The following SCN9A variants were observed in gnomAD, a reference collection of about 807,000 sequenced individuals.
SCN9A encodes the protein sodium voltage-gated channel alpha subunit 9, also known as sodium channel protein type 9 subunit alpha.
A neutral mutation model predicts 187.0 loss-of-function variants in SCN9A; 131 were observed. That is an observed-to-expected ratio of 0.70 (90% CI 0.61 to 0.81). SCN9A has a LOEUF of 0.81. Among genes scored for constraint, SCN9A ranks in the 30% least tolerant of loss-of-function variants. SCN9A has a pLI of 0.00. For synonymous variants in SCN9A, 809 were observed against 808.6 expected, an observed-to-expected ratio of 1.00 and a Z score of -0.01; for missense variants, 2,252 against 2,396.6, an observed-to-expected ratio of 0.94 and a Z score of 1.26.
intron 7 of SCN9A, chr2:166,298,620 T>C (rs947208049): frequency 3.9e-5 from 6 of 152,224 alleles, no homozygotes; most frequent in African/African-American, 1.2e-4. Flanking sequence ...ATCTTTTAAA[T>C]ATTGCCAATT....
chr2:166,281,739 C>T lies in SCN9A; in HGVS notation c.2044G>A (p.Asp682Asn), dbSNP rs1165899690. 6.2e-7 allele frequency: 1 copy of T among 1,613,310 alleles called. No individual in the cohort carries two copies. The change falls in exon 13 of 27, where the codon GAT becomes AAT. Residue 682 changes from aspartate to asparagine, a missense_variant. Physicochemically the swap from Asp to Asn is conservative, Grantham distance 23 (BLOSUM62 1). Around this residue, in one of 7 missense-constraint regions of SCN9A, gnomAD observed 1,013 missense variants for 997.4 expected, o/e 1.02. Transcript: ENST00000642356. ...ATTGCTCTCTGTCTGAGGTTGGGATCATTCAGCATATCCTCTGAAAGGAGA... is the reference window on the plus strand; with the variant it reads ...ATTGCTCTCTGTCTGAGGTTGGGATTATTCAGCATATCCTCTGAAAGGAGA... Reference protein sequence around the residue: ...SYLLSEDMLNDPNLRQRAMSR... With the variant: ...SYLLSEDMLNNPNLRQRAMSR...
At chr2:166,358,676 C>T (rs1028786936) in intron 1 of SCN9A, among the ~76,000 whole-genome samples, 1 of 152,048 alleles carries the variant, frequency 6.6e-6, no homozygotes, top group African/African-American at 2.4e-5. Context: ...ATTGAATTCA[C>T]CAATCCTTTC....
At chr2:166,249,696 A>G (rs956021888) in intron 18 of SCN9A, among the ~76,000 whole-genome samples, 1 of 152,154 alleles carries the variant, frequency 6.6e-6, no homozygotes, top group Admixed American at 6.6e-5. Flanking sequence ...TTATAGGATT[A>G]AAAAAACTTT....
At chr2:166,208,178 T>A (rs1005758855) in intron 24 of SCN9A, among the ~76,000 whole-genome samples, 1 of 152,184 alleles carries the variant, frequency 6.6e-6, no homozygotes, top group African/African-American at 2.4e-5. Flanking sequence ...TCAGGCTAGT[T>A]TTTTTCTGTG....
At chr2:166,294,557 T>C (rs867452632) in intron 8 of SCN9A, 42 bp downstream of exon 8, 2 of 1,431,556 alleles carry the variant, frequency 1.4e-6, no homozygotes, top group African/African-American at 2.8e-5. Context: ...CTTTTCCTTC[T>C]CTTTCAGCCT....
chr2:166,340,605 T>TTC (rs1553502805), intron 1 of SCN9A, among the ~76,000 whole-genome samples: 1 of 74,914 alleles, frequency 1.3e-5, no homozygotes, highest in Non-Finnish European at 2.5e-5. Flanking sequence ...TTTCTTTCTT[T>TTC]TTCTTTCTTT....
At chr2:166,309,267 A>C (rs1698864117) in intron 2 of SCN9A, among the ~76,000 whole-genome samples, 1 of 152,174 alleles carries the variant, frequency 6.6e-6, no homozygotes, top group Non-Finnish European at 1.5e-5. Context: ...TTGAAATTTT[A>C]ATAAAAAGAA....
At chr2:166,319,629 A>G (rs1699190108) in intron 1 of SCN9A, among the ~76,000 whole-genome samples, 1 of 152,154 alleles carries the variant, frequency 6.6e-6, no homozygotes, top group Admixed American at 6.5e-5. Context: ...TGAAAAATAC[A>G]TACATAATTA....
At chr2:166,331,835 T>C (rs1699510285) in intron 1 of SCN9A, among the ~76,000 whole-genome samples, 1 of 152,206 alleles carries the variant, frequency 6.6e-6, no homozygotes, top group Non-Finnish European at 1.5e-5. Context: ...TAACTTTCCA[T>C]CACTACTTTA....
In SCN9A at chr2:166,283,330, C is replaced by A. The variant is rs540178309; in HGVS notation, c.1974+1123G>T. On this transcript the variant is annotated intron_variant, in intron 12 of 26. Transcript: ENST00000642356. Reference sequence around the variant, plus strand: ...GTCACATGTTACCTAAAAGCACATGCATTTATTCAAATTGAAATATATGTG... The same window carrying A: ...GTCACATGTTACCTAAAAGCACATGAATTTATTCAAATTGAAATATATGTG... Among the ~76,000 whole-genome samples the A allele has an allele frequency of 3.9e-5, 6 of 152,248 alleles. No individual in the cohort carries two copies. In the South Asian group the frequency reaches 1.2e-3, roughly 32 times the overall value.
intron 1 of SCN9A, among the ~76,000 whole-genome samples, chr2:166,352,863 A>G (rs1186379014): frequency 1.3e-5 from 2 of 152,204 alleles, no homozygotes; most frequent in African/African-American, 4.8e-5. Flanking sequence ...GCCACCAACA[A>G]TTGATAATTG....
chr2:166,199,359 C>T lies in SCN9A; in HGVS notation c.5280G>A (p.Leu1760=). Residue 1760 remains leucine, a synonymous_variant, in exon 27 of 27, where the codon CTG becomes CTA. Coordinates refer to ENST00000642356, the MANE Select transcript of SCN9A (RefSeq NM_001365536.1). The part of the protein sequence containing the change: ...VVVNMYIAVI[L]ENFSVATEES... ...CTTCAGTGGCAACACTAAAATTCTC[C>T]AGTATGACTGCAATGTACATGTTCA... The T allele has an allele frequency of 6.2e-7, 1 of 1,614,152 alleles. No individual in the cohort carries two copies. Among genetic ancestry groups the T allele is most frequent in the South Asian group, 1.1e-5 (1 of 91,072 alleles).
chr2:166,296,362 T>C (rs1172364501), intron 7 of SCN9A, among the ~76,000 whole-genome samples: 1 of 152,218 alleles, frequency 6.6e-6, no homozygotes, highest in African/African-American at 2.4e-5. Flanking sequence ...CACATCATCA[T>C]TTTATCTTAC....
intron 1 of SCN9A, among the ~76,000 whole-genome samples, chr2:166,320,905 T>A (rs897273898): frequency 2.0e-5 from 3 of 152,118 alleles, no homozygotes; most frequent in African/African-American, 7.2e-5. Flanking sequence ...TACAAAAAAA[T>A]CATCTGTGTA....
chr2:166,243,213 ATT>A (rs1033529865), intron 18 of SCN9A, among the ~76,000 whole-genome samples: 1 of 152,090 alleles, frequency 6.6e-6, no homozygotes, highest in Non-Finnish European at 1.5e-5. Flanking sequence ...GTGACTTTAA[ATT>A]TTTATGTACA....
In SCN9A at chr2:166,293,549, T is replaced by A. The variant is rs12475406; in HGVS notation, c.966-177A>T. 2.6e-5 allele frequency among the ~76,000 whole-genome samples: 4 copies of A among 152,244 alleles called. No homozygotes were observed. The East Asian group carries it at 7.7e-4, about 29-fold the overall frequency. ...TGACTTTACCAAATTCTTCAAGGCA[T>A]AAGTCTGTCTGTGAAAATAGGATAA... On this transcript the variant is annotated intron_variant, in intron 8 of 26. Transcript: ENST00000642356.
chr2:166,371,916 A>G lies in SCN9A; in HGVS notation c.-51+3781T>C, dbSNP rs111415017. Among the ~76,000 whole-genome samples the G allele has an allele frequency of 9.4e-3, 1,430 of 152,330 alleles. 24 individuals carry two copies. Among genetic ancestry groups the G allele is most frequent in the African/African-American group, 0.031 (1,300 of 41,582 alleles). ...AATGTGGTAACCAAATTATTTACCA[A>G]AAATCTGTGGCTGGCCATTTGCTAC... On this transcript the variant is annotated intron_variant, in intron 1 of 26. Coordinates refer to ENST00000642356, the MANE Select transcript of SCN9A (RefSeq NM_001365536.1).
chr2:166,294,637 G>A lies in SCN9A; in HGVS notation c.927C>T (p.Ser309=), dbSNP rs762274623. Reference sequence around the variant, plus strand: ...TGAAACCACAAAGGAGAGCATCTTTGGATCCTTCCAAGTAATAAAAATATT... The same window carrying A: ...TGAAACCACAAAGGAGAGCATCTTTAGATCCTTCCAAGTAATAAAAATATT... ...FRKYFYYLEG[S]KDALLCGFST... is the part of the protein sequence containing the mutation. Residue 309 remains serine (S), a synonymous_variant, in exon 8 of 27, where the codon TCC becomes TCT. Transcript: ENST00000642356. 1 of 1,609,538 alleles carries A rather than the reference G, an allele frequency of 6.2e-7. No homozygotes were observed. The highest frequency in any genetic ancestry group is 8.5e-7 in the Non-Finnish European group (1 of 1,177,288).
intron 26 of SCN9A, among the ~76,000 whole-genome samples, chr2:166,203,422 T>G (rs1245794080): frequency 6.6e-6 from 1 of 151,920 alleles, no homozygotes; most frequent in Non-Finnish European, 1.5e-5. Context: ...TTCACAGACA[T>G]GAACACCATG....
Sources: allele counts gnomAD v4.1 joint callset (sites outside exome capture counted in the v4.1 genomes callset), GRCh38; gene constraint gnomAD v4.1.1; regional missense constraint gnomAD v4.1.1; transcripts MANE v1.5; gene names NCBI Gene and HGNC (gene_info 2026-07-23, HGNC 2026-07-21).